TTLL7: variants seen among roughly 807,000 people sequenced by gnomAD.
The protein encoded by TTLL7 is tubulin polyglutamylase TTLL7.
A neutral mutation model predicts 120.2 loss-of-function variants in TTLL7; 53 were observed. The ratio of observed to expected loss-of-function variants is 0.44; its 90% CI spans 0.35 to 0.55. The LOEUF (loss-of-function observed/expected upper bound fraction) is 0.55. TTLL7 is among the 20% of genes least tolerant of loss of function. The pLI is 0.00. For synonymous variants in TTLL7, 353 were observed against 351.7 expected, an observed-to-expected ratio of 1.00 and a Z score of -0.04; for missense variants, 803 against 1,054.7, an observed-to-expected ratio of 0.76 and a Z score of 3.31.
chr1:83,920,252 G>A (rs1658525990), intron 12 of TTLL7, among the ~76,000 whole-genome samples: 1 of 152,070 alleles, frequency 6.6e-6, no homozygotes, highest in Admixed American at 6.6e-5. Flanking sequence ...TTTAGTTGGG[G>A]GGAAATGGTT....
chr1:83,901,103 C>T (rs1033500801), intron 18 of TTLL7, among the ~76,000 whole-genome samples: 1 of 151,850 alleles, frequency 6.6e-6, no homozygotes, highest in Non-Finnish European at 1.5e-5. Flanking sequence ...ACTAGTGTTA[C>T]TTGTCATTTT....
At chr1:83,885,059 G>A (rs1399443976) in intron 19 of TTLL7, 1 of 288,206 alleles carries the variant, frequency 3.5e-6, no homozygotes, top group African/African-American at 2.3e-5. Flanking sequence ...TGTAGATAGA[G>A]ATATAAATCT....
chr1:83,947,601 T>C (rs1324962513), intron 5 of TTLL7: 1 of 203,212 alleles, frequency 4.9e-6, no homozygotes, highest in Non-Finnish European at 9.7e-6. Context: ...GATAAATTAG[T>C]ATCATCTCTG....
chr1:83,917,397 G>A (rs927377259), intron 14 of TTLL7, among the ~76,000 whole-genome samples: 11 of 152,050 alleles, frequency 7.2e-5, no homozygotes, highest in Non-Finnish European at 1.2e-4. Flanking sequence ...CTGTCATCAG[G>A]AAAATAACCA....
chr1:83,979,339 G>C (rs1208673572), intron 1 of TTLL7: 1 of 152,174 alleles, frequency 6.6e-6, no homozygotes, highest in Non-Finnish European at 1.5e-5. Flanking sequence ...GAGGCCACAG[G>C]ACCAGTTGAG....
intron 20 of TTLL7, among the ~76,000 whole-genome samples, chr1:83,882,492 T>A (rs1485428430): frequency 1.3e-5 from 2 of 152,000 alleles, no homozygotes; most frequent in Non-Finnish European, 2.9e-5. Flanking sequence ...TTTATGAAAC[T>A]CATTTTTCAA....
At chr1:83,875,755 AATT>A (rs1351339272) in intron 20 of TTLL7, among the ~76,000 whole-genome samples, 9 of 151,766 alleles carry the variant, frequency 5.9e-5, no homozygotes, top group Admixed American at 3.9e-4. Flanking sequence ...CTCGTTTTTC[AATT>A]ATCTTCCCCA....
At chr1:83,931,097 AC>A (rs1315660873) in intron 9 of TTLL7, among the ~76,000 whole-genome samples, 1 of 148,418 alleles carries the variant, frequency 6.7e-6, no homozygotes, top group African/African-American at 2.5e-5. Flanking sequence ...TTAGTGTTCC[AC>A]CCAGCCAAAA....
intron 18 of TTLL7, among the ~76,000 whole-genome samples, chr1:83,897,635 C>T (rs968257851): frequency 6.6e-6 from 1 of 151,956 alleles, no homozygotes; most frequent in African/African-American, 2.4e-5. Flanking sequence ...GGCTGGGATA[C>T]GAGTGAAGAG....
intron 20 of TTLL7, among the ~76,000 whole-genome samples, chr1:83,882,333 A>C (rs1654585465): frequency 6.6e-6 from 1 of 151,498 alleles, no homozygotes; most frequent in African/African-American, 2.4e-5. Flanking sequence ...AAAAATACTA[A>C]AACTAAAGTT....
At chr1:83,890,006 G>C (rs1655317215) in intron 19 of TTLL7, 1 of 484,876 alleles carries the variant, frequency 2.1e-6, no homozygotes, top group Non-Finnish European at 4.1e-6. Context: ...CTAGGATTCT[G>C]GGGAGGAGGA....
intron 1 of TTLL7, among the ~76,000 whole-genome samples, chr1:83,975,569 G>A (rs537284957): frequency 3.3e-5 from 5 of 152,074 alleles, no homozygotes; most frequent in Admixed American, 3.3e-4. Flanking sequence ...TGAGAAAACT[G>A]AGACTCAAAG....
Position 83,907,577 on chromosome 1 carries a change from T to G in TTLL7, c.1871A>C (p.Gln624Pro). The G allele has an allele frequency of 6.2e-7, 1 of 1,613,352 alleles. No homozygotes were observed. The highest frequency in any genetic ancestry group is 1.1e-5 in the South Asian group (1 of 91,076). Residue 624 changes from glutamine (Q) to proline (P), a missense_variant, in exon 16 of 21, where the codon CAA (glutamine) becomes CCA (proline). Gln to Pro is a moderately conservative substitution (Grantham distance 76). Around this residue, in one of 3 missense-constraint regions of TTLL7, gnomAD observed 388 missense variants for 450.4 expected, o/e 0.86. Coordinates refer to ENST00000260505, the MANE Select transcript of TTLL7 (RefSeq NM_024686.6). The part of the protein sequence containing the change: ...SSGDTRPFSA[Q>P]QMISVSRPTS... ...TGGCCGTGACACAGATATCATTTGTTGAGCAGAAAATGGGCGGGTGTCCCC... is the reference window on the plus strand; with the variant it reads ...TGGCCGTGACACAGATATCATTTGTGGAGCAGAAAATGGGCGGGTGTCCCC...
rs1041696577 is a variant in TTLL7, at chr1:83,867,008, T to C, written c.*2954A>G. 6.6e-6 allele frequency: 1 copy of C among 151,994 alleles called. No individual in the cohort carries two copies. Among genetic ancestry groups the C allele is most frequent in the Admixed American group, 6.6e-5 (1 of 15,252 alleles). 9.4% of individuals were successfully genotyped at this position (151,994 alleles called of 1,614,324 possible). On this transcript the variant is annotated 3_prime_UTR_variant, in exon 21 of 21. Transcript: ENST00000260505. ...TACTGAATGAGCAGGGATATGTTTT[T>C]CTATAGCAGAATGAAAATATGCTTT...
At position 83,875,378 on chromosome 1, in the gene TTLL7, T is replaced by G. The variant is rs146913407; in HGVS notation, c.2544-5296A>C. 4.8e-3 allele frequency among the ~76,000 whole-genome samples: 734 copies of G among 152,118 alleles called. 4 individuals carry two copies. Among genetic ancestry groups the G allele is most frequent in the African/African-American group, 0.017 (693 of 41,554 alleles). The stretch of plus-strand genomic sequence containing the variant: ...ATATGTGTAGGTGCAGTTTGTTCAT[T>G]TTCAATGTTGTATAATATTCCATTG... On this transcript the variant is annotated intron_variant, in intron 20 of 20. Coordinates refer to ENST00000260505, the MANE Select transcript of TTLL7 (RefSeq NM_024686.6).
chr1:83,947,563 AC>A (rs1220281218), intron 5 of TTLL7: 1 of 284,936 alleles, frequency 3.5e-6, no homozygotes, highest in Non-Finnish European at 6.5e-6. Flanking sequence ...TAGAGTACAC[AC>A]TCTGTGCTAG....
chr1:83,919,313 AT>A (rs1391390407), intron 13 of TTLL7, among the ~76,000 whole-genome samples: 1 of 150,918 alleles, frequency 6.6e-6, no homozygotes, highest in East Asian at 2.0e-4. Context: ...TTCCTCTCAT[AT>A]GCTAGATCTA....
In TTLL7 at chr1:83,931,794, G is replaced by C. The variant is rs114267567; in HGVS notation, c.1047+1814C>G. Among the ~76,000 whole-genome samples the C allele has an allele frequency of 4.5e-3, 689 of 152,216 alleles. 10 individuals carry two copies. The highest frequency in any genetic ancestry group is 0.016 in the African/African-American group (658 of 41,518). On this transcript the variant is annotated intron_variant, in intron 9 of 20. Transcript: ENST00000260505. ...ATTCTGCCACTAGCAATCAGTCCCT[G>C]AAATTATTCTGGTTAACTAAAAGTT...
At chr1:83,923,758 G>A (rs1015794987) in intron 10 of TTLL7, among the ~76,000 whole-genome samples, 2 of 152,022 alleles carry the variant, frequency 1.3e-5, no homozygotes, top group African/African-American at 4.8e-5. Context: ...TACACCACAG[G>A]CCAGAATAAA....
Sources: gnomAD v4.1 joint callset for allele counts (sites outside exome capture counted in the v4.1 genomes callset) on GRCh38, gnomAD v4.1.1 for gene constraint, gnomAD v4.1.1 regional missense constraint, MANE v1.5 for transcripts, NCBI Gene and HGNC (gene_info 2026-07-23, HGNC 2026-07-21) for gene names.